Variants in AREL1 observed in about 807,000 individuals in gnomAD.
The protein encoded by AREL1 is apoptosis-resistant E3 ubiquitin protein ligase 1.
AREL1 carries 62 observed loss-of-function variants against 99.0 expected under a neutral mutation model. The ratio of observed to expected loss-of-function variants is 0.63; its 90% CI spans 0.51 to 0.77. AREL1 has a LOEUF of 0.77. AREL1 is among the 30% of genes least tolerant of loss of function. The pLI is 0.00. For synonymous variants in AREL1, 380 were observed against 376.5 expected, an observed-to-expected ratio of 1.01 and a Z score of -0.11; for missense variants, 879 against 1,027.6, an observed-to-expected ratio of 0.86 and a Z score of 1.98.
At chr14:74,711,218 C>T (rs1379607235) in intron 1 of AREL1, among the ~76,000 whole-genome samples, 3 of 114,414 alleles carry the variant, frequency 2.6e-5, no homozygotes, top group Non-Finnish European at 5.3e-5. Flanking sequence ...GTAACAAGAG[C>T]GAAACTAACT....
chr14:74,696,967 A>AAATAAAATAAAAT (rs1013915137), intron 1 of AREL1, among the ~76,000 whole-genome samples: 9 of 152,140 alleles, frequency 5.9e-5, no homozygotes, highest in Non-Finnish European at 8.8e-5. Context: ...TCGTCTCAAA[A>AAATAAAATAAAAT]AATAAAATAA....
At chr14:74,688,621 G>A (rs1233351685) in intron 2 of AREL1, among the ~76,000 whole-genome samples, 1 of 152,080 alleles carries the variant, frequency 6.6e-6, no homozygotes, top group East Asian at 1.9e-4. Flanking sequence ...CTCATGACCA[G>A]AGAGTTAGTT....
chr14:74,671,922 C>T, intron 11 of AREL1: 2 of 436,300 alleles, frequency 4.6e-6, no homozygotes. Context: ...GCGAGCCATG[C>T]CACACGGAGA....
chr14:74,690,607 A>T (rs2089857817), intron 2 of AREL1, among the ~76,000 whole-genome samples: 1 of 152,158 alleles, frequency 6.6e-6, no homozygotes, highest in African/African-American at 2.4e-5. Context: ...TGCTATTCAT[A>T]ATTTTCCTGT....
rs2089389117 is a variant in AREL1, at chr14:74,673,062, C to T, written c.1300+15G>A. ...GGCTCACTACCTTCCCTATAGAATCCCTGTGTAACCTCACCTATGTTCTTA... is the reference window on the plus strand; with the variant it reads ...GGCTCACTACCTTCCCTATAGAATCTCTGTGTAACCTCACCTATGTTCTTA... On this transcript the variant is annotated intron_variant, in intron 10 of 19. Transcript: ENST00000356357. The T allele has an allele frequency of 6.2e-7, 1 of 1,614,084 alleles. No individual in the cohort carries two copies. The highest frequency in any genetic ancestry group is 1.3e-5 in the African/African-American group (1 of 75,020).
chr14:74,710,520 A>G (rs1263821882), intron 1 of AREL1, among the ~76,000 whole-genome samples: 1 of 146,392 alleles, frequency 6.8e-6, no homozygotes, highest in African/African-American at 2.8e-5. Flanking sequence ...CAAATGTTTA[A>G]GAAGAATAAC....
chr14:74,685,063 C>G (rs184018467), intron 3 of AREL1, among the ~76,000 whole-genome samples: 62 of 152,324 alleles, frequency 4.1e-4, no homozygotes, highest in Middle Eastern at 3.4e-3. Context: ...TTTGCAAACT[C>G]TTGCTCTATA....
chr14:74,691,669 C>A (rs1389336193), intron 2 of AREL1, among the ~76,000 whole-genome samples: 1 of 152,174 alleles, frequency 6.6e-6, no homozygotes, highest in Non-Finnish European at 1.5e-5. Flanking sequence ...TTGCTTAATA[C>A]TACAGCATTT....
chr14:74,712,219 C>T (rs2090325560), intron 1 of AREL1, among the ~76,000 whole-genome samples: 1 of 151,872 alleles, frequency 6.6e-6, no homozygotes, highest in African/African-American at 2.4e-5. Flanking sequence ...TTGAGAAGGT[C>T]AAAGAAGGTA....
At chr14:74,677,814 TA>T (rs1254318404) in intron 5 of AREL1, among the ~76,000 whole-genome samples, 1 of 150,250 alleles carries the variant, frequency 6.7e-6, no homozygotes, top group Non-Finnish European at 1.5e-5. Context: ...CCTGTCTCTT[TA>T]TTAAAAAAAA....
chr14:74,701,121 A>T (rs2090077876), intron 1 of AREL1, among the ~76,000 whole-genome samples: 1 of 152,200 alleles, frequency 6.6e-6, no homozygotes, highest in South Asian at 2.1e-4. Context: ...CTCCTGCTTT[A>T]TGCTCTCAGA....
Position 74,672,752 on chromosome 14 carries a change from C to A in AREL1, c.1422+79G>T, listed in dbSNP as rs971771353. 14 of 1,586,528 alleles carry A rather than the reference C, an allele frequency of 8.8e-6. No individual in the cohort carries two copies. In the African/African-American group the frequency reaches 1.9e-4, roughly 22 times the overall value. ...CCTATCTCCCAAACAAAAACAAAAA[C>A]AAAAACAGTAACCTGCAGAATATAG... On this transcript the variant is annotated intron_variant, in intron 11 of 19. Coordinates refer to ENST00000356357, the MANE Select transcript of AREL1 (RefSeq NM_001039479.2).
intron 17 of AREL1, among the ~76,000 whole-genome samples, chr14:74,666,718 A>AT (rs71449202): frequency 0.044 from 5,855 of 131,956 alleles, 306 homozygotes; most frequent in African/African-American, 0.13. Flanking sequence ...CTACTCATTG[A>AT]TTTTTTTTTT....
chr14:74,711,298 G>C (rs1268954002), intron 1 of AREL1, among the ~76,000 whole-genome samples: 1 of 151,398 alleles, frequency 6.6e-6, no homozygotes, highest in East Asian at 2.0e-4. Context: ...CCAGAACTTT[G>C]GGAGGCCGAG....
chr14:74,663,672 C>T lies in AREL1; in HGVS notation c.*48G>A. On this transcript the variant is annotated 3_prime_UTR_variant, in exon 20 of 20. Transcript: ENST00000356357. ...TGGTTATGATGTCTGTAACTTGCGC[C>T]CAGAAGCTCCAGAGAGCATGGGAGC... is the stretch of plus-strand genomic sequence containing the variant. 1 of 1,570,600 alleles carries T rather than the reference C, an allele frequency of 6.4e-7. No individual in the cohort carries two copies. The highest frequency in any genetic ancestry group is 2.2e-5 in the East Asian group (1 of 44,682).
chr14:74,693,693 G>A (rs1423956315), intron 1 of AREL1, among the ~76,000 whole-genome samples: 2 of 152,158 alleles, frequency 1.3e-5, no homozygotes, highest in African/African-American at 4.8e-5. Context: ...TAATAGAGCT[G>A]AGTCAAACTC....
chr14:74,678,550 T>C (rs547626011), intron 5 of AREL1, among the ~76,000 whole-genome samples: 1 of 151,534 alleles, frequency 6.6e-6, no homozygotes, highest in Admixed American at 6.6e-5. Flanking sequence ...TCTGTGGTAC[T>C]GGAGGAGGGA....
chr14:74,699,348 G>GGGGTGTGT (rs1555360644), intron 1 of AREL1, among the ~76,000 whole-genome samples: 4 of 143,456 alleles, frequency 2.8e-5, no homozygotes, highest in African/African-American at 1.1e-4. Context: ...GACAGTGAGG[G>GGGGTGTGT]GTGTGTGTGT....
chr14:74,688,684 A>G lies in AREL1; in HGVS notation c.-45-3024T>C, dbSNP rs1305242978. On this transcript the variant is annotated intron_variant, in intron 2 of 19. Transcript: ENST00000356357. The stretch of plus-strand genomic sequence containing the variant: ...ACTTTACAAAATGTCCCACTGCTCT[A>G]CAACAGCTCTCAAACCACTCCCCAC... Among the ~76,000 whole-genome samples the G allele has an allele frequency of 8.5e-5, 13 of 152,266 alleles. No homozygotes were observed. In the South Asian group the frequency reaches 2.3e-3, roughly 27 times the overall value.
Sources: gnomAD v4.1 joint callset for allele counts (sites outside exome capture counted in the v4.1 genomes callset) on GRCh38, gnomAD v4.1.1 for gene constraint, MANE v1.5 for transcripts, NCBI Gene and HGNC (gene_info 2026-07-23, HGNC 2026-07-21) for gene names.